WNK1: variants seen among roughly 807,000 people sequenced by gnomAD.
WNK1 encodes serine/threonine-protein kinase WNK1.
In WNK1, 38 loss-of-function variants were observed where a neutral mutation model predicts 222.8. The ratio of observed to expected loss-of-function variants is 0.17; its 90% CI spans 0.13 to 0.22. The LOEUF (loss-of-function observed/expected upper bound fraction) is 0.22, where lower values mean the gene tolerates loss of function less well. WNK1 is among the 10% of genes least tolerant of loss of function. The pLI is 1.00. For missense variants in WNK1, 2,348 were observed against 2,918.4 expected, an observed-to-expected ratio of 0.80 and a Z score of 4.50; for synonymous variants, 1,090 against 1,092.9, an observed-to-expected ratio of 1.00 and a Z score of 0.05.
At chr12:879,513 C>CTTTTTTTTTTTTTTTTTTT in intron 10 of WNK1, 60 bp from the exon 11 acceptor site, 1 of 403,028 alleles carries the variant, frequency 2.5e-6, no homozygotes, top group East Asian at 5.7e-5. Flanking sequence ...GGCAGCCTTG[C>CTTTTTTTTTTTTTTTTTTT]TTTTTTTTTT....
intron 8 of WNK1, among the ~76,000 whole-genome samples, chr12:866,922 G>A (rs576793969): frequency 3.4e-4 from 52 of 152,118 alleles, no homozygotes; most frequent in Non-Finnish European, 6.5e-4. Flanking sequence ...TCAGGAGTTC[G>A]AGACCAGCCT....
At chr12:798,757 C>T (rs1412867997) in intron 1 of WNK1, among the ~76,000 whole-genome samples, 8 of 151,840 alleles carry the variant, frequency 5.3e-5, no homozygotes, top group African/African-American at 1.9e-4. Context: ...ACATACTTTT[C>T]CTTTTTAAAA....
At chr12:767,386 G>A (rs556596357) in intron 1 of WNK1, among the ~76,000 whole-genome samples, 7 of 151,898 alleles carry the variant, frequency 4.6e-5, no homozygotes, top group African/African-American at 1.7e-4. Flanking sequence ...CTGAGTAGCT[G>A]GGATTACAGG....
intron 1 of WNK1, among the ~76,000 whole-genome samples, chr12:807,115 G>T (rs1040572795): frequency 6.6e-6 from 1 of 151,996 alleles, no homozygotes; most frequent in Non-Finnish European, 1.5e-5. Context: ...CCTTGTGGCG[G>T]GGTGGGGGGT....
chr12:791,572 A>C lies in WNK1; in HGVS notation c.760-22070A>C, dbSNP rs1054537907. 3.9e-5 allele frequency among the ~76,000 whole-genome samples: 6 copies of C among 152,220 alleles called. No individual in the cohort carries two copies. In the South Asian group the frequency reaches 1.0e-3, roughly 26 times the overall value. On this transcript the variant is annotated intron_variant, in intron 1 of 27. Transcript: ENST00000315939. ...GAGAGCTTCTTTTTTAAAAAAAAAA[A>C]AACTACATTTCCTATTACATTTTAT...
At position 896,376 on chromosome 12, in the gene WNK1, T is replaced by G; in HGVS notation, c.5889T>G (p.Thr1963=). 6.2e-7 allele frequency: 1 copy of G among 1,614,046 alleles called. No homozygotes were observed. Among genetic ancestry groups the G allele is most frequent in the Non-Finnish European group, 8.5e-7 (1 of 1,179,988 alleles). The part of the protein sequence containing the change: ...NKVGRFSVSK[T]EDKITDTKKE... ...TGGGTCGTTTCTCTGTATCAAAAAC[T>G]GAGGACAAGATCACTGACACAAAGA... The change falls in exon 24 of 28, where the codon ACT becomes ACG. Residue 1963 remains threonine (T), a synonymous_variant. Transcript: ENST00000315939.
chr12:885,505 G>A lies in WNK1; in HGVS notation c.4701G>A (p.Leu1567=). The change falls in exon 19 of 28, where the codon CTG becomes CTA. Residue 1567 remains leucine (L), a synonymous_variant. Coordinates refer to ENST00000315939, the MANE Select transcript of WNK1 (RefSeq NM_018979.4). ...GTTATATTTCTCAGCCTGGTGGGCTGCATCCTTTGGTCATTCCATCAGTGA... is the reference window on the plus strand; with the variant it reads ...GTTATATTTCTCAGCCTGGTGGGCTACATCCTTTGGTCATTCCATCAGTGA... ...VSSYISQPGG[L]HPLVIPSVIA... is the part of the protein sequence containing the mutation. 6.2e-7 allele frequency: 1 copy of A among 1,614,024 alleles called. No homozygotes were observed. The highest frequency in any genetic ancestry group is 8.5e-7 in the Non-Finnish European group (1 of 1,180,010).
rs868571961 is a variant in WNK1, at chr12:764,099, A to C, written c.759+9775A>C. ...AAAATGTCTATATTAGTTGTAGCTG[A>C]AATAATGGAAGTAAATGAGATACGC... is the stretch of plus-strand genomic sequence containing the variant. On this transcript the variant is annotated intron_variant, in intron 1 of 27. Coordinates refer to ENST00000315939, the MANE Select transcript of WNK1 (RefSeq NM_018979.4). Among the ~76,000 whole-genome samples, 29 of 147,246 alleles carry C rather than the reference A, an allele frequency of 2.0e-4. 1 individual carries two copies. Among genetic ancestry groups the C allele is most frequent in the South Asian group, 4.4e-4 (2 of 4,498 alleles).
intron 20 of WNK1, 131 bp from the exon 21 acceptor site, chr12:889,009 A>G (rs965653721): frequency 3.8e-6 from 3 of 785,382 alleles, no homozygotes; most frequent in African/African-American, 1.7e-5. Flanking sequence ...ATAGTTTTGT[A>G]TGTTCCATAA....
Position 833,896 on chromosome 12 carries a change from A to C in WNK1, c.1311+3736A>C, listed in dbSNP as rs544368505. Among the ~76,000 whole-genome samples the C allele has an allele frequency of 3.3e-5, 5 of 152,310 alleles. No homozygotes were observed. The East Asian group carries it at 9.6e-4, about 29-fold the overall frequency. The stretch of plus-strand genomic sequence containing the variant: ...GCTTGATACTAAGTAAAGGTGAATA[A>C]TCATATTCCCTGTCTTCAGAAAACT... On this transcript the variant is annotated intron_variant, in intron 4 of 27. Transcript: ENST00000315939.
rs1376845578 is a variant in WNK1 at position 900,681 on chromosome 12, A to G, written c.6643+11A>G. The G allele has an allele frequency of 1.5e-5, 24 of 1,614,054 alleles. No individual in the cohort carries two copies. Among genetic ancestry groups the G allele is most frequent in the Non-Finnish European group, 1.9e-5 (23 of 1,180,000 alleles). On this transcript the variant is annotated intron_variant, in intron 26 of 27. Coordinates refer to ENST00000315939, the MANE Select transcript of WNK1 (RefSeq NM_018979.4). ...CTGCTCCAGGTCAAGGTAATAAAGC[A>G]ACCATCATCGTCCAAAAACAATAAA...
At chr12:815,807 A>G (rs1202776583) in intron 2 of WNK1, among the ~76,000 whole-genome samples, 4 of 152,362 alleles carry the variant, frequency 2.6e-5, no homozygotes, top group African/African-American at 9.6e-5. Flanking sequence ...AACTATATTG[A>G]GGAGCTTTGG....
Position 753,761 on chromosome 12 carries a change from C to T in WNK1, c.196C>T (p.Arg66Cys), listed in dbSNP as rs1281845180. 1.1e-5 allele frequency: 17 copies of T among 1,612,378 alleles called. No individual in the cohort carries two copies. The highest frequency in any genetic ancestry group is 1.4e-5 in the Non-Finnish European group (17 of 1,179,900). ...CCGCCACACTATGGACAAGGACAGC[C>T]GTGGGGCGGCCGCGACCACTACCAC... ...RRRHTMDKDS[R>C]GAAATTTTTE... Residue 66 changes from arginine (R) to cysteine (C), a missense_variant, in exon 1 of 28, where the codon CGT becomes TGT. Coordinates refer to ENST00000315939, the MANE Select transcript of WNK1 (RefSeq NM_018979.4). The surrounding 1 kb of genome is among the most constrained non-coding windows in gnomAD (Gnocchi z 5.2).
chr12:874,322 G>A (rs1952427043), intron 9 of WNK1, among the ~76,000 whole-genome samples: 1 of 152,212 alleles, frequency 6.6e-6, no homozygotes, highest in Non-Finnish European at 1.5e-5. Flanking sequence ...ACTGCGCACA[G>A]CAGATCATCA....
At chr12:770,330 A>C (rs1207316025) in intron 1 of WNK1, among the ~76,000 whole-genome samples, 1 of 152,304 alleles carries the variant, frequency 6.6e-6, no homozygotes, top group Middle Eastern at 3.4e-3. Context: ...AGACCATAGC[A>C]GTTAGGAAAT....
At chr12:901,534 T>C in intron 26 of WNK1, 1 of 1,285,618 alleles carries the variant, frequency 7.8e-7, no homozygotes, top group South Asian at 1.2e-5. Context: ...CCTCTCTCTG[T>C]TCTACCCTGT....
Position 891,532 on chromosome 12 carries a change from C to A in WNK1, c.5509+1019C>A, listed in dbSNP as rs137901102. ...TCACTAGCCTAGACATAAGTAAAGT[C>A]CAAGTGGACCAAAGATGAAATATTA... is the stretch of plus-strand genomic sequence containing the variant. On this transcript the variant is annotated intron_variant, in intron 22 of 27. Coordinates refer to ENST00000315939, the MANE Select transcript of WNK1 (RefSeq NM_018979.4). Among the ~76,000 whole-genome samples the A allele has an allele frequency of 8.1e-4, 123 of 151,412 alleles. 6 individuals are homozygous for A. The East Asian group carries it at 0.02, about 24-fold the overall frequency.
chr12:907,801 G>C lies in WNK1; in HGVS notation c.6644-46G>C, dbSNP rs535533352. Reference sequence around the variant, plus strand: ...TGAAGTTTTCCCTCTTCCTGAAATTGTAACCTAGGCTTCTTTTAATGCTCG... The same window carrying C: ...TGAAGTTTTCCCTCTTCCTGAAATTCTAACCTAGGCTTCTTTTAATGCTCG... On this transcript the variant is annotated intron_variant, in intron 26 of 27. Coordinates refer to ENST00000315939, the MANE Select transcript of WNK1 (RefSeq NM_018979.4). The C allele has an allele frequency of 1.2e-5, 19 of 1,609,600 alleles. No individual in the cohort carries two copies. The East Asian group carries it at 1.6e-4, about 13-fold the overall frequency.
intron 1 of WNK1, among the ~76,000 whole-genome samples, chr12:781,851 T>G (rs1236234956): frequency 6.6e-6 from 1 of 152,122 alleles, no homozygotes; most frequent in Non-Finnish European, 1.5e-5. Flanking sequence ...AAATTCCCAG[T>G]CTTCTCTAGT....
Sources: allele counts gnomAD v4.1 joint callset (sites outside exome capture counted in the v4.1 genomes callset), GRCh38; gene constraint gnomAD v4.1.1; non-coding constraint Gnocchi (gnomAD v3.1); transcripts MANE v1.5; gene names NCBI Gene and HGNC (gene_info 2026-07-23, HGNC 2026-07-21).